BICRAL: variants seen among roughly 807,000 people sequenced by gnomAD.
The protein encoded by BICRAL is BICRA like chromatin remodeling complex associated protein.
A neutral mutation model predicts 91.8 loss-of-function variants in BICRAL; 8 were observed. The observed-to-expected ratio is 0.09, with a 90% CI of 0.05 to 0.16. The LOEUF is 0.16. BICRAL is among the 10% of genes least tolerant of loss of function. The pLI is 1.00. For synonymous variants in BICRAL, 445 were observed against 491.1 expected, an observed-to-expected ratio of 0.91 and a Z score of 1.24; for missense variants, 1,038 against 1,310.9, an observed-to-expected ratio of 0.79 and a Z score of 3.21.
At chr6:42,811,623 G>GAAAA (rs34979167) in intron 2 of BICRAL, among the ~76,000 whole-genome samples, 15 of 84,796 alleles carry the variant, frequency 1.8e-4, no homozygotes, top group Non-Finnish European at 3.1e-4. Flanking sequence ...CCATCTCAAA[G>GAAAA]AAAAAAAAAA....
chr6:42,762,427 G>T (rs1243003485), intron 1 of BICRAL, among the ~76,000 whole-genome samples: 1 of 151,974 alleles, frequency 6.6e-6, no homozygotes, highest in African/African-American at 2.4e-5. Context: ...TGAAAGCTTC[G>T]CTATCTGTGA....
intron 6 of BICRAL, among the ~76,000 whole-genome samples, chr6:42,846,582 G>A (rs1765018475): frequency 6.6e-6 from 1 of 152,084 alleles, no homozygotes; most frequent in East Asian, 1.9e-4. Context: ...AGTCTGATTA[G>A]GCCACTTGTG....
In BICRAL at chr6:42,858,613, T is replaced by C. The variant is rs1765459795; in HGVS notation, c.2254+1377T>C. Among the ~76,000 whole-genome samples the C allele has an allele frequency of 2.7e-5, 4 of 149,604 alleles. No individual in the cohort carries two copies. The Admixed American group carries it at 2.7e-4, about 10-fold the overall frequency. The stretch of plus-strand genomic sequence containing the variant: ...TGGGTGGGTCACCTGAGGTCAGGAG[T>C]TCGAGACCAGCCTGACCAACATGGA... On this transcript the variant is annotated intron_variant, in intron 10 of 12. Coordinates refer to ENST00000314073, the MANE Select transcript of BICRAL (RefSeq NM_001393499.1).
At chr6:42,848,947 G>A (rs746093147) in intron 6 of BICRAL, among the ~76,000 whole-genome samples, 1 of 152,192 alleles carries the variant, frequency 6.6e-6, no homozygotes, top group Non-Finnish European at 1.5e-5. Context: ...TACTACAGTA[G>A]GACATCATGG....
At chr6:42,750,875 G>A (rs1465006192) in intron 1 of BICRAL, among the ~76,000 whole-genome samples, 1 of 124,504 alleles carries the variant, frequency 8.0e-6, no homozygotes, top group Non-Finnish European at 1.6e-5. Flanking sequence ...ACCGCGCCCG[G>A]CCTTTTTTTT....
intron 1 of BICRAL, among the ~76,000 whole-genome samples, chr6:42,771,619 C>A (rs1394757972): frequency 6.6e-6 from 1 of 152,018 alleles, no homozygotes; most frequent in Non-Finnish European, 1.5e-5. Context: ...TGGCTAGCAA[C>A]CCGACAAAAT....
At chr6:42,799,278 T>G (rs1227248860) in intron 1 of BICRAL, among the ~76,000 whole-genome samples, 2 of 152,062 alleles carry the variant, frequency 1.3e-5, no homozygotes, top group African/African-American at 4.8e-5. Context: ...AGGGTAGTTA[T>G]TAGATTCACC....
chr6:42,747,978 A>G (rs930988702), intron 1 of BICRAL, among the ~76,000 whole-genome samples: 4 of 149,652 alleles, frequency 2.7e-5, no homozygotes, highest in African/African-American at 9.9e-5. Context: ...CTAATTTTGT[A>G]TTTTTAGTAG....
intron 1 of BICRAL, among the ~76,000 whole-genome samples, chr6:42,789,588 G>A (rs1233580612): frequency 6.7e-6 from 1 of 150,234 alleles, no homozygotes; most frequent in Non-Finnish European, 1.5e-5. Context: ...ATTGGAGTGA[G>A]CTGAGATCTT....
chr6:42,845,195 GTTTTTTTTTTTTTTTTTTTTTTTT>G (rs748804344), intron 6 of BICRAL, among the ~76,000 whole-genome samples: 55 of 25,600 alleles, frequency 2.1e-3, no homozygotes, highest in East Asian at 4.8e-3. Context: ...TTTTTTGGGT[GTTTTTTTTTTTTTTTTTTTTTTTT>G]TTTTTTTTTT....
At chr6:42,772,281 T>C (rs1225149334) in intron 1 of BICRAL, among the ~76,000 whole-genome samples, 1 of 152,068 alleles carries the variant, frequency 6.6e-6, no homozygotes, top group Non-Finnish European at 1.5e-5. Flanking sequence ...CAATGTGAAA[T>C]GTGTTTCTTG....
chr6:42,750,238 G>A (rs1762355092), intron 1 of BICRAL, among the ~76,000 whole-genome samples: 1 of 151,820 alleles, frequency 6.6e-6, no homozygotes, highest in African/African-American at 2.4e-5. Flanking sequence ...ACAGCTTACT[G>A]TAGTCTTGAC....
intron 1 of BICRAL, among the ~76,000 whole-genome samples, chr6:42,797,809 C>G (rs1019611909): frequency 6.6e-6 from 1 of 152,064 alleles, no homozygotes; most frequent in African/African-American, 2.4e-5. Context: ...AACCCCATCT[C>G]TACAAAAATT....
chr6:42,829,126 T>C lies in BICRAL; in HGVS notation c.793T>C (p.Leu265=). Residue 265 remains leucine (L), a synonymous_variant, in exon 6 of 13, where the codon TTG becomes CTG. Transcript: ENST00000314073. ...TAGACAGACTCCTAATGGCAACTCC[T>C]TGTTTGGGAACTCTAGTTCCAGTCC... ...VHRQTPNGNS[L]FGNSSSSPVA... The C allele has an allele frequency of 4.3e-6, 7 of 1,614,116 alleles. No homozygotes were observed. Among genetic ancestry groups the C allele is most frequent in the Non-Finnish European group, 5.1e-6 (6 of 1,179,978 alleles).
chr6:42,754,786 A>G (rs1762436365), intron 1 of BICRAL, among the ~76,000 whole-genome samples: 1 of 152,192 alleles, frequency 6.6e-6, no homozygotes. Context: ...AGTTGCAGCT[A>G]TTCAGGAGGC....
At chr6:42,786,242 G>T (rs966375834) in intron 1 of BICRAL, among the ~76,000 whole-genome samples, 2 of 152,176 alleles carry the variant, frequency 1.3e-5, no homozygotes, top group Admixed American at 1.3e-4. Flanking sequence ...TTAGATTTTT[G>T]ATGCAGATGT....
upstream of BICRAL, among the ~76,000 whole-genome samples, chr6:42,781,329 C>T (rs930282723): frequency 6.6e-6 from 1 of 152,116 alleles, no homozygotes; most frequent in Admixed American, 6.5e-5. Context: ...TTAATGTTCA[C>T]ATACGGGCTT....
chr6:42,772,791 G>T (rs112455625), intron 1 of BICRAL, among the ~76,000 whole-genome samples: 13 of 152,146 alleles, frequency 8.5e-5, no homozygotes, highest in African/African-American at 3.1e-4. Flanking sequence ...CTGAATTCAG[G>T]TGATGGTAAT....
intron 1 of BICRAL, among the ~76,000 whole-genome samples, chr6:42,796,742 G>A (rs1033133336): frequency 6.6e-6 from 1 of 152,026 alleles, no homozygotes; most frequent in Non-Finnish European, 1.5e-5. Context: ...CATATGCGAT[G>A]TGGGTATAGG....
Sources: allele counts gnomAD v4.1 joint callset (sites outside exome capture counted in the v4.1 genomes callset), GRCh38; gene constraint gnomAD v4.1.1; transcripts MANE v1.5; gene names NCBI Gene and HGNC (gene_info 2026-07-23, HGNC 2026-07-21).